UBE2T: variants seen among roughly 807,000 people sequenced by gnomAD.
UBE2T encodes ubiquitin conjugating enzyme E2 T.
Under a neutral mutation model 23.3 loss-of-function variants are expected in UBE2T, and 15 were observed. The ratio of observed to expected loss-of-function variants is 0.64; its 90% CI spans 0.43 to 0.99. The LOEUF (loss-of-function observed/expected upper bound fraction) is 0.99. Among genes scored for constraint, UBE2T ranks in the 50% least tolerant of loss-of-function variants. The probability of loss-of-function intolerance (pLI) is 0.00; values close to 1 mark genes in which losing one functional copy is unlikely to be tolerated. For synonymous variants in UBE2T, 67 were observed against 78.4 expected, an observed-to-expected ratio of 0.85 and a Z score of 0.77; for missense variants, 197 against 234.9, an observed-to-expected ratio of 0.84 and a Z score of 1.05.
chr1:202,339,077 CTTTTTT>C (rs35528865), intron 1 of UBE2T, among the ~76,000 whole-genome samples: 2 of 107,854 alleles, frequency 1.9e-5, no homozygotes, highest in South Asian at 3.0e-4. Flanking sequence ...GTATTGCCTC[CTTTTTT>C]TTTTTTTTTT....
At chr1:202,340,818 G>A (rs1654985003) in intron 1 of UBE2T, among the ~76,000 whole-genome samples, 1 of 152,218 alleles carries the variant, frequency 6.6e-6, no homozygotes, top group South Asian at 2.1e-4. Flanking sequence ...TCCCAAGGAA[G>A]CAACCAGACT....
At chr1:202,336,037 G>A (rs1049942015) in intron 1 of UBE2T, among the ~76,000 whole-genome samples, 1 of 151,860 alleles carries the variant, frequency 6.6e-6, no homozygotes, top group African/African-American at 2.4e-5. Flanking sequence ...TCAGCCTCCA[G>A]AGTAGCTGGG....
At chr1:202,339,599 CAAA>C (rs56088102) in intron 1 of UBE2T, among the ~76,000 whole-genome samples, 1 of 79,022 alleles carries the variant, frequency 1.3e-5, no homozygotes. Flanking sequence ...GACTCTGTCT[CAAA>C]AAAAAAAAAA....
chr1:202,331,968 G>A lies in UBE2T; in HGVS notation c.469-8C>T, dbSNP rs1043360125. 3 of 1,613,706 alleles carry A rather than the reference G, an allele frequency of 1.9e-6. No homozygotes were observed. Among genetic ancestry groups the A allele is most frequent in the Non-Finnish European group, 2.5e-6 (3 of 1,179,870 alleles). On this transcript the variant is annotated splice_region_variant and splice_polypyrimidine_tract_variant and intron_variant, in intron 6 of 6. Coordinates refer to ENST00000646651, the MANE Select transcript of UBE2T (RefSeq NM_014176.4). ...CATCTCTTCCTCATCAGCCTAAAGA[G>A]GAGACAGGGTGAAACACAGTAAGGT... is the stretch of plus-strand genomic sequence containing the variant.
At chr1:202,341,129 T>C (rs1654991672) in intron 1 of UBE2T, among the ~76,000 whole-genome samples, 1 of 152,236 alleles carries the variant, frequency 6.6e-6, no homozygotes, top group Non-Finnish European at 1.5e-5. Context: ...TCTGTGCGTC[T>C]ACATCTATTT....
rs765342427 is a variant in UBE2T, at chr1:202,335,645, C to T, written c.109+1G>A. 29 of 1,613,580 alleles carry T rather than the reference C, an allele frequency of 1.8e-5. No individual in the cohort carries two copies. The East Asian group carries it at 4.9e-4, about 27-fold the overall frequency. On this transcript the variant is annotated splice_donor_variant, in intron 2 of 6. Coordinates refer to ENST00000646651, the MANE Select transcript of UBE2T (RefSeq NM_014176.4). LOFTEE classifies it high-confidence loss of function. This position sits in a 1 kb window ranked among gnomAD's most constrained non-coding sequence, Gnocchi z 4.0. Reference sequence around the variant, plus strand: ...CATCATATACATGATTTGATACCTACGAGCTCGCAGGTCATCCATTTGGTC... The same window carrying T: ...CATCATATACATGATTTGATACCTATGAGCTCGCAGGTCATCCATTTGGTC...
chr1:202,341,577 CAA>C (rs57598991), intron 1 of UBE2T, among the ~76,000 whole-genome samples: 1,609 of 19,786 alleles, frequency 0.081, 1 homozygote, highest in African/African-American at 0.095. Context: ...GACTCCGTCT[CAA>C]AAAAAAAAAA....
At position 202,335,219 on chromosome 1, in the gene UBE2T, C is replaced by T; in HGVS notation, c.110-161G>A. ...AGTCCTCATGCAACACACCACAATG[C>T]TAATGTACTCAAAAAGTTAATGGTG... On this transcript the variant is annotated intron_variant, in intron 2 of 6. Coordinates refer to ENST00000646651, the MANE Select transcript of UBE2T (RefSeq NM_014176.4). The surrounding 1 kb of genome is among the most constrained non-coding windows in gnomAD (Gnocchi z 4.0). The T allele has an allele frequency of 1.6e-6, 1 of 611,938 alleles. No homozygotes were observed. The highest frequency in any genetic ancestry group is 2.2e-5 in the South Asian group (1 of 45,756). 37.9% of individuals were successfully genotyped at this position (611,938 alleles called of 1,614,324 possible).
At chr1:202,339,291 C>A (rs1654947966) in intron 1 of UBE2T, among the ~76,000 whole-genome samples, 1 of 151,810 alleles carries the variant, frequency 6.6e-6, no homozygotes, top group Non-Finnish European at 1.5e-5. Flanking sequence ...CTATTACATG[C>A]AATTTTCAAT....
At chr1:202,334,534 TA>T (rs1257818108) in intron 3 of UBE2T, among the ~76,000 whole-genome samples, 1 of 152,000 alleles carries the variant, frequency 6.6e-6, no homozygotes, top group Non-Finnish European at 1.5e-5. Flanking sequence ...AAATAAATGT[TA>T]AAAGAAAAAG....
At chr1:202,334,286 C>A (rs760459078) in intron 3 of UBE2T, among the ~76,000 whole-genome samples, 2 of 152,100 alleles carry the variant, frequency 1.3e-5, no homozygotes, top group Non-Finnish European at 2.9e-5. Context: ...GAACAGAAAG[C>A]CAAATACCAC....
At chr1:202,336,627 C>T (rs1654891599) in intron 1 of UBE2T, among the ~76,000 whole-genome samples, 1 of 152,120 alleles carries the variant, frequency 6.6e-6, no homozygotes, top group South Asian at 2.1e-4. Flanking sequence ...CTTAGCATGC[C>T]TGTCATAGTA....
chr1:202,333,289 A>G lies in UBE2T; in HGVS notation c.332T>C (p.Ile111Thr). The change falls in exon 5 of 7, where the codon ATT (isoleucine) becomes ACT (threonine). Residue 111 changes from isoleucine (I) to threonine (T), a missense_variant. Ile to Thr is a moderately conservative substitution (Grantham distance 89). Transcript: ENST00000646651. ...GTTGGGTTCTGACATGAGCAGCTGAATAGAGGTCAACACAGTTGCGATGTT... is the reference window on the plus strand; with the variant it reads ...GTTGGGTTCTGACATGAGCAGCTGAGTAGAGGTCAACACAGTTGCGATGTT... ...SLNIATVLTSIQLLMSEPNPD... is the reference protein window; with the variant it reads ...SLNIATVLTSTQLLMSEPNPD... 1 of 1,614,194 alleles carries G rather than the reference A, an allele frequency of 6.2e-7. No individual in the cohort carries two copies. The highest frequency in any genetic ancestry group is 8.5e-7 in the Non-Finnish European group (1 of 1,180,038).
At chr1:202,332,160 G>T (rs779439978) in intron 6 of UBE2T, among the ~76,000 whole-genome samples, 200 bp from the exon 7 acceptor site, 2 of 152,060 alleles carry the variant, frequency 1.3e-5, no homozygotes, top group Non-Finnish European at 2.9e-5. Context: ...TAACACCACT[G>T]CTATTTAACT....
At position 202,333,488 on chromosome 1, in the gene UBE2T, C is replaced by T. The variant is rs746834329; in HGVS notation, c.247G>A (p.Gly83Arg). The part of the protein sequence containing the change: ...PIYHPNIDSA[G>R]RICLDVLKLP... Reference sequence around the variant, plus strand: ...TTGAGAACATCCAGACAAATCCTTCCAGCAGAATCAATGTTTGGATGATAA... The same window carrying T: ...TTGAGAACATCCAGACAAATCCTTCTAGCAGAATCAATGTTTGGATGATAA... Residue 83 changes from glycine (G) to arginine (R), a missense_variant, in exon 4 of 7, where the codon GGA (glycine) becomes AGA (arginine). Physicochemically the swap from Gly to Arg is moderately radical, Grantham distance 125 (BLOSUM62 -2). Transcript: ENST00000646651. 6.2e-7 allele frequency: 1 copy of T among 1,614,158 alleles called. No homozygotes were observed. The highest frequency in any genetic ancestry group is 1.1e-5 in the South Asian group (1 of 91,084).
At chr1:202,333,694 T>C in intron 3 of UBE2T, 139 bp from the exon 4 acceptor site, 1 of 688,864 alleles carries the variant, frequency 1.5e-6, no homozygotes, top group Non-Finnish European at 2.4e-6. Flanking sequence ...ACTTTCTCTC[T>C]TCCTAAATTT....
rs1654859454 is a variant in UBE2T at position 202,335,465 on chromosome 1, C to G, written c.109+181G>C. 3.2e-6 allele frequency: 2 copies of G among 623,440 alleles called. No individual in the cohort carries two copies. Among genetic ancestry groups the G allele is most frequent in the East Asian group, 2.8e-5 (1 of 35,920 alleles). 38.6% of individuals were successfully genotyped at this position (623,440 alleles called of 1,614,324 possible). A position where few individuals can be genotyped will look rare whatever the true frequency, so the allele number is the denominator to read the frequency against. On this transcript the variant is annotated intron_variant, in intron 2 of 6. Coordinates refer to ENST00000646651, the MANE Select transcript of UBE2T (RefSeq NM_014176.4). This position sits in a 1 kb window ranked among gnomAD's most constrained non-coding sequence, Gnocchi z 4.0. Reference sequence around the variant, plus strand: ...ATCAGCATAAGGTATAATAAAAAGTCAAAGAAGCAAGAAATGTCAAGCAAA... The same window carrying G: ...ATCAGCATAAGGTATAATAAAAAGTGAAAGAAGCAAGAAATGTCAAGCAAA...
chr1:202,336,001 T>C (rs1481474748), intron 1 of UBE2T, among the ~76,000 whole-genome samples, 183 bp from the exon 2 acceptor site: 1 of 152,136 alleles, frequency 6.6e-6, no homozygotes, highest in Non-Finnish European at 1.5e-5. Flanking sequence ...AATTTCCACC[T>C]TCTGGGTTTG....
In UBE2T at chr1:202,331,833, C is replaced by T. The variant is rs1558099524; in HGVS notation, c.*2G>A. The T allele has an allele frequency of 1.2e-6, 2 of 1,613,958 alleles. No homozygotes were observed. The highest frequency in any genetic ancestry group is 1.1e-5 in the South Asian group (1 of 91,060). ...TAACTAAGATGAACCAGGACAAGTC[C>T]CCTAAACATCAGGATGAAATTTCTT... On this transcript the variant is annotated 3_prime_UTR_variant, in exon 7 of 7. Transcript: ENST00000646651.
Sources: gnomAD v4.1 joint callset for allele counts (sites outside exome capture counted in the v4.1 genomes callset) on GRCh38, gnomAD v4.1.1 for gene constraint, Gnocchi (gnomAD v3.1) non-coding constraint, MANE v1.5 for transcripts, NCBI Gene and HGNC (gene_info 2026-07-23, HGNC 2026-07-21) for gene names.